Variants in DRC11 observed in about 807,000 individuals in gnomAD.
DRC11 encodes the protein IQ and AAA domain-containing protein 1.
chr2:236,344,900 C>G, the DRC11 span, among the ~76,000 whole-genome samples: 265 of 148,080 alleles, frequency 1.8e-3, 1 homozygote, highest in African/African-American at 6.3e-3. Flanking sequence ...GTGCAGAGCC[C>G]TGGTTGTAAA....
the DRC11 span, among the ~76,000 whole-genome samples, chr2:236,325,864 A>C: frequency 6.6e-6 from 1 of 152,142 alleles, no homozygotes; most frequent in East Asian, 1.9e-4. This position sits in a 1 kb window ranked among gnomAD's most constrained non-coding sequence, Gnocchi z 4.4. Context: ...CGGCCTCCCC[A>C]AGGGTAGGGA....
chr2:236,439,336 T>A, the DRC11 span, among the ~76,000 whole-genome samples: 1 of 152,182 alleles, frequency 6.6e-6, no homozygotes. Context: ...CTATTATAGT[T>A]TTTTAAAAAA....
chr2:236,465,989 A>G, the DRC11 span, among the ~76,000 whole-genome samples: 1 of 152,190 alleles, frequency 6.6e-6, no homozygotes, highest in Non-Finnish European at 1.5e-5. This position sits in a 1 kb window ranked among gnomAD's most constrained non-coding sequence, Gnocchi z 6.2. Flanking sequence ...TCTGGATTAA[A>G]AAAACTCAAT....
the DRC11 span, among the ~76,000 whole-genome samples, chr2:236,423,684 AG>A: frequency 3.9e-5 from 6 of 152,208 alleles, no homozygotes; most frequent in Non-Finnish European, 5.9e-5. Context: ...TATTTGACCC[AG>A]CCATCCCATT....
the DRC11 span, among the ~76,000 whole-genome samples, chr2:236,337,417 C>T: frequency 6.6e-6 from 1 of 152,356 alleles, no homozygotes; most frequent in Admixed American, 6.5e-5. The surrounding 1 kb of genome is among the most constrained non-coding windows in gnomAD (Gnocchi z 4.9). Context: ...CTGCCGCCAA[C>T]ACCCTTTCTC....
the DRC11 span, among the ~76,000 whole-genome samples, chr2:236,437,021 A>G: frequency 6.6e-6 from 1 of 151,616 alleles, no homozygotes; most frequent in Non-Finnish European, 1.5e-5. Flanking sequence ...TACATGTGCC[A>G]TGCTGGTGTG....
chr2:236,358,057 AT>A, the DRC11 span, among the ~76,000 whole-genome samples: 1 of 119,396 alleles, frequency 8.4e-6, no homozygotes, highest in Admixed American at 9.8e-5. Context: ...ATAGATATAT[AT>A]TATATGAATA....
chr2:236,459,557 A>ACG, the DRC11 span, among the ~76,000 whole-genome samples: 1,092 of 143,422 alleles, frequency 7.6e-3, 10 homozygotes, highest in Admixed American at 0.015. Context: ...GTATACATGT[A>ACG]TACGTATATA....
At chr2:236,479,976 A>G in the DRC11 span, among the ~76,000 whole-genome samples, 1 of 148,844 alleles carries the variant, frequency 6.7e-6, no homozygotes, top group Non-Finnish European at 1.5e-5. The surrounding 1 kb of genome is among the most constrained non-coding windows in gnomAD (Gnocchi z 4.1). Context: ...TCTCTTCTTC[A>G]TGTTTGAAGT....
chr2:236,369,077 T>C, the DRC11 span: 1 of 152,246 alleles, frequency 6.6e-6, no homozygotes, highest in East Asian at 1.9e-4. This position sits in a 1 kb window ranked among gnomAD's most constrained non-coding sequence, Gnocchi z 4.5. Flanking sequence ...TATCTGAATC[T>C]GGAGTAAAAA....
At chr2:236,444,773 C>A in the DRC11 span, among the ~76,000 whole-genome samples, 1 of 152,220 alleles carries the variant, frequency 6.6e-6, no homozygotes, top group African/African-American at 2.4e-5. Flanking sequence ...ATCCATCAAA[C>A]CTTTCATTCA....
At chr2:236,493,126 A>C in the DRC11 span, among the ~76,000 whole-genome samples, 4 of 152,156 alleles carry the variant, frequency 2.6e-5, no homozygotes, top group Non-Finnish European at 4.4e-5. Flanking sequence ...TGAAAGGCAC[A>C]TCTCATATGG....
chr2:236,341,718 G>A, the DRC11 span, among the ~76,000 whole-genome samples: 4 of 152,202 alleles, frequency 2.6e-5, no homozygotes, highest in Non-Finnish European at 5.9e-5. Context: ...GAAGCTGGTG[G>A]TTTCCCCCCC....
At chr2:236,383,951 G>C in the DRC11 span, among the ~76,000 whole-genome samples, 4 of 151,752 alleles carry the variant, frequency 2.6e-5, no homozygotes, top group Non-Finnish European at 5.9e-5. Context: ...TACTGAGAAT[G>C]ATGATTTCCA....
the DRC11 span, among the ~76,000 whole-genome samples, chr2:236,445,447 C>T: frequency 6.6e-6 from 1 of 151,978 alleles, no homozygotes; most frequent in Non-Finnish European, 1.5e-5. This position sits in a 1 kb window ranked among gnomAD's most constrained non-coding sequence, Gnocchi z 4.8. Context: ...ATTCTCATGC[C>T]TCAGCCTCCC....
the DRC11 span, among the ~76,000 whole-genome samples, chr2:236,428,781 TTC>T: frequency 6.6e-6 from 1 of 152,350 alleles, no homozygotes; most frequent in South Asian, 2.1e-4. Flanking sequence ...CTTTATTACT[TTC>T]TGATTGTCTT....
At chr2:236,307,955 G>A in the DRC11 span, among the ~76,000 whole-genome samples, 5 of 142,338 alleles carry the variant, frequency 3.5e-5, no homozygotes, top group Admixed American at 6.9e-5. This position sits in a 1 kb window ranked among gnomAD's most constrained non-coding sequence, Gnocchi z 7.0. Context: ...TGACACAAGC[G>A]TCCTCGTGTG....
chr2:236,336,523 A>AC, the DRC11 span, among the ~76,000 whole-genome samples: 3 of 151,856 alleles, frequency 2.0e-5, no homozygotes, highest in African/African-American at 7.3e-5. This position sits in a 1 kb window ranked among gnomAD's most constrained non-coding sequence, Gnocchi z 7.3. Flanking sequence ...CCTGCCACTG[A>AC]CCATCATCAT....
the DRC11 span, among the ~76,000 whole-genome samples, chr2:236,485,323 A>G: frequency 2.6e-5 from 4 of 152,058 alleles, no homozygotes; most frequent in African/African-American, 9.7e-5. Flanking sequence ...TTTGTCATAC[A>G]TTTGTATTTT....
Sources: allele counts gnomAD v4.1 joint callset (sites outside exome capture counted in the v4.1 genomes callset), GRCh38; gene constraint gnomAD v4.1.1; non-coding constraint Gnocchi (gnomAD v3.1); transcripts MANE v1.5; gene names NCBI Gene and HGNC (gene_info 2026-07-23, HGNC 2026-07-21).